The following PDE4D variants were observed in gnomAD, a reference collection of about 807,000 sequenced individuals.
PDE4D encodes 3',5'-cyclic-AMP phosphodiesterase 4D.
Under a neutral mutation model 87.4 loss-of-function variants are expected in PDE4D, and 24 were observed. The observed-to-expected ratio is 0.27, with a 90% confidence interval of 0.20 to 0.39. PDE4D has a LOEUF of 0.39. Ranked by LOEUF, PDE4D falls within the 10% of genes least tolerant of loss-of-function variation. The probability of loss-of-function intolerance (pLI) is 1.00; values close to 1 mark genes in which losing one functional copy is unlikely to be tolerated. For synonymous variants in PDE4D, 384 were observed against 383.2 expected (o/e 1.00, Z -0.02); for missense variants, 714 against 1,041.0 (o/e 0.69, Z 4.32).
chr5:59,560,520 C>G (rs142831552), intron 1 of PDE4D, among the ~76,000 whole-genome samples: 22 of 152,338 alleles, frequency 1.4e-4, no homozygotes, highest in African/African-American at 5.3e-4. Context: ...ATCTCTGCGA[C>G]TTTTCATCTT....
intron 1 of PDE4D, among the ~76,000 whole-genome samples, chr5:59,616,286 G>A (rs1373150190): frequency 1.3e-5 from 2 of 152,018 alleles, no homozygotes; most frequent in African/African-American, 4.8e-5. Context: ...ATTTACAATG[G>A]AATTTCAAAA....
At chr5:59,551,311 TA>T in intron 1 of PDE4D, among the ~76,000 whole-genome samples, 1 of 149,500 alleles carries the variant, frequency 6.7e-6, no homozygotes, top group African/African-American at 2.4e-5. Flanking sequence ...AATCTTTATT[TA>T]AATAAATATT....
At chr5:58,982,463 T>C (rs1423031243) in intron 11 of PDE4D, among the ~76,000 whole-genome samples, 1 of 152,196 alleles carries the variant, frequency 6.6e-6, no homozygotes, top group Non-Finnish European at 1.5e-5. Flanking sequence ...GAGTTCCTGG[T>C]TAGAGGCAAT....
chr5:59,626,586 A>T (rs935570119), intron 1 of PDE4D, among the ~76,000 whole-genome samples: 4 of 151,794 alleles, frequency 2.6e-5, no homozygotes, highest in South Asian at 4.2e-4. Flanking sequence ...GTGAGATCCC[A>T]TCTCTACAAA....
chr5:59,080,774 G>A (rs1766594797), intron 5 of PDE4D, among the ~76,000 whole-genome samples: 1 of 152,150 alleles, frequency 6.6e-6, no homozygotes, highest in Non-Finnish European at 1.5e-5. Flanking sequence ...TCACAAATGA[G>A]AAATGCTAAG....
intron 1 of PDE4D, among the ~76,000 whole-genome samples, chr5:60,374,787 A>C (rs1231698564): frequency 7.9e-5 from 12 of 152,248 alleles, no homozygotes. Flanking sequence ...GCTAGGATCC[A>C]GACTTCATTT....
chr5:59,303,053 T>A (rs763328452), intron 1 of PDE4D, among the ~76,000 whole-genome samples: 3 of 152,202 alleles, frequency 2.0e-5, no homozygotes, highest in Non-Finnish European at 2.9e-5. Context: ...TCTACTGTTT[T>A]TTAAAATTTT....
chr5:59,134,087 C>T (rs1375002212), intron 5 of PDE4D, among the ~76,000 whole-genome samples: 1 of 150,406 alleles, frequency 6.6e-6, no homozygotes, highest in South Asian at 2.1e-4. Flanking sequence ...GTTCCTTTCA[C>T]CCCCTCAACT....
chr5:60,168,656 T>C (rs1321860433), intron 2 of PDE4D, among the ~76,000 whole-genome samples: 1 of 152,200 alleles, frequency 6.6e-6, no homozygotes, highest in Non-Finnish European at 1.5e-5. Flanking sequence ...CACATCCTCT[T>C]GTGTACTTTA....
chr5:59,544,345 T>TA (rs1189308178), intron 1 of PDE4D, among the ~76,000 whole-genome samples: 6 of 152,100 alleles, frequency 3.9e-5, no homozygotes, highest in African/African-American at 1.4e-4. Context: ...GCTTGGTCCT[T>TA]AGAGTGTAGC....
At position 60,348,703 on chromosome 5, in the gene PDE4D, T is replaced by A. The variant is rs963213048; in HGVS notation, c.-90+139239A>T. ...TCTTTTTTTGCGGCTTGCCTGTATA[T>A]TACAAAAATTATTTAAGGAATTGAT... On this transcript the variant is annotated intron_variant, in intron 1 of 16. Transcript: ENST00000502484. Among the ~76,000 whole-genome samples, 11 of 152,062 alleles carry A rather than the reference T, an allele frequency of 7.2e-5. No homozygotes were observed. The East Asian group carries it at 1.2e-3, about 16-fold the overall frequency.
chr5:60,071,194 C>G (rs1003729403), intron 2 of PDE4D, among the ~76,000 whole-genome samples: 1 of 151,642 alleles, frequency 6.6e-6, no homozygotes, highest in African/African-American at 2.4e-5. Context: ...TCATGTATTT[C>G]TGCTCAAATC....
chr5:60,518,283 C>G (rs1414860269), intron 1 of PDE4D, among the ~76,000 whole-genome samples: 1 of 152,220 alleles, frequency 6.6e-6, no homozygotes, highest in Admixed American at 6.5e-5. Context: ...CCTGCCCAGG[C>G]TGAGTGGGCA....
chr5:59,715,712 G>A (rs1754915752), intron 1 of PDE4D, among the ~76,000 whole-genome samples: 1 of 152,206 alleles, frequency 6.6e-6, no homozygotes, highest in Admixed American at 6.5e-5. Flanking sequence ...GAGGAAGGAT[G>A]ACCTCCTATG....
chr5:59,368,101 G>A (rs932289181), intron 1 of PDE4D, among the ~76,000 whole-genome samples: 2 of 152,210 alleles, frequency 1.3e-5, no homozygotes, highest in African/African-American at 4.8e-5. Context: ...GCTTTTTGAG[G>A]ATGCATGTAT....
At chr5:60,348,572 T>C (rs1040225519) in intron 1 of PDE4D, among the ~76,000 whole-genome samples, 4 of 152,164 alleles carry the variant, frequency 2.6e-5, no homozygotes, top group African/African-American at 9.6e-5. Flanking sequence ...GGTAGAATCA[T>C]TATATATACA....
At chr5:59,411,870 C>T (rs34624326) in intron 1 of PDE4D, among the ~76,000 whole-genome samples, 25,809 of 152,124 alleles carry the variant, frequency 0.17, 2,919 homozygotes, top group African/African-American at 0.31. Flanking sequence ...ATTCTCTATC[C>T]TTTTACTTAA....
chr5:59,753,995 G>GT (rs1239664542), intron 1 of PDE4D, among the ~76,000 whole-genome samples: 2 of 152,120 alleles, frequency 1.3e-5, no homozygotes, highest in African/African-American at 2.4e-5. Flanking sequence ...GTCTTCTGAA[G>GT]TTTCTATCAA....
intron 1 of PDE4D, among the ~76,000 whole-genome samples, chr5:59,525,756 C>A (rs1273820021): frequency 2.0e-5 from 3 of 152,188 alleles, no homozygotes; most frequent in African/African-American, 7.2e-5. Flanking sequence ...GATCCCCCTG[C>A]TGTTCTCATG....
Sources: gnomAD v4.1 joint callset for allele counts (sites outside exome capture counted in the v4.1 genomes callset) on GRCh38, gnomAD v4.1.1 for gene constraint, MANE v1.5 for transcripts, NCBI Gene and HGNC (gene_info 2026-07-23, HGNC 2026-07-21) for gene names.